Variants in LRIG1 observed in about 807,000 individuals in gnomAD.
The protein encoded by LRIG1 is leucine-rich repeats and immunoglobulin-like domains protein 1.
A neutral mutation model predicts 99.2 loss-of-function variants in LRIG1; 48 were observed. The ratio of observed to expected loss-of-function variants is 0.48; its 90% CI spans 0.38 to 0.62. The LOEUF (loss-of-function observed/expected upper bound fraction) is 0.62, where lower values mean the gene tolerates loss of function less well. LRIG1 is among the 20% of genes least tolerant of loss of function. The pLI is 0.00. For missense variants in LRIG1, 1,646 were observed against 1,434.4 expected, an observed-to-expected ratio of 1.15 and a Z score of -2.38; for synonymous variants, 772 against 596.1, an observed-to-expected ratio of 1.29 and a Z score of -4.30.
chr3:66,416,750 C>T (rs1019454893), intron 4 of LRIG1, among the ~76,000 whole-genome samples: 6 of 152,230 alleles, frequency 3.9e-5, no homozygotes, highest in African/African-American at 1.4e-4. Flanking sequence ...TGTGAATCCT[C>T]TAACCATCCT....
intron 1 of LRIG1, among the ~76,000 whole-genome samples, chr3:66,495,847 C>A (rs2106937103): frequency 2.0e-5 from 3 of 152,288 alleles, no homozygotes; most frequent in Middle Eastern, 6.8e-3. Flanking sequence ...AGACTTTGCA[C>A]CAAGGAGACA....
At chr3:66,381,198 G>A (rs541511379) in intron 17 of LRIG1, among the ~76,000 whole-genome samples, 2 of 152,206 alleles carry the variant, frequency 1.3e-5, no homozygotes, top group African/African-American at 2.4e-5. Flanking sequence ...TGGTGAAAAA[G>A]TGCTGACTGA....
chr3:66,396,503 A>C (rs1701855667), intron 11 of LRIG1, among the ~76,000 whole-genome samples: 1 of 152,196 alleles, frequency 6.6e-6, no homozygotes, highest in African/African-American at 2.4e-5. Flanking sequence ...AAAGACGACC[A>C]AGTGGAATTA....
At chr3:66,394,010 G>A (rs1296066700) in intron 12 of LRIG1, 30 bp downstream of exon 12, 1 of 1,612,064 alleles carries the variant, frequency 6.2e-7, no homozygotes, top group Non-Finnish European at 8.5e-7. Flanking sequence ...CCTTCATGAA[G>A]GAGAGAAAAA....
At chr3:66,481,431 T>C (rs1010406391) in intron 1 of LRIG1, among the ~76,000 whole-genome samples, 1 of 152,110 alleles carries the variant, frequency 6.6e-6, no homozygotes, top group African/African-American at 2.4e-5. Context: ...CTGTGCCCAA[T>C]TTAATAAAGC....
intron 1 of LRIG1, among the ~76,000 whole-genome samples, chr3:66,492,340 T>G (rs1480725698): frequency 6.6e-6 from 1 of 152,114 alleles, no homozygotes; most frequent in Admixed American, 6.5e-5. Flanking sequence ...TATAAATTGG[T>G]GGAAGGAGCA....
chr3:66,405,449 C>T (rs1702231884), intron 8 of LRIG1, among the ~76,000 whole-genome samples, 171 bp from the exon 9 acceptor site: 1 of 152,186 alleles, frequency 6.6e-6, no homozygotes, highest in Admixed American at 6.5e-5. Context: ...AGCCCTGTTT[C>T]TCAGCCTTCC....
chr3:66,432,602 C>T (rs907449953), intron 3 of LRIG1, among the ~76,000 whole-genome samples: 2 of 152,054 alleles, frequency 1.3e-5, no homozygotes, highest in African/African-American at 4.8e-5. Context: ...TGCTAAGGCA[C>T]GGAAAGGTCA....
chr3:66,404,622 C>A (rs1164077511), intron 9 of LRIG1, among the ~76,000 whole-genome samples: 1 of 152,150 alleles, frequency 6.6e-6, no homozygotes. Context: ...CCTAACAGAG[C>A]CTGCCCTCAT....
intron 1 of LRIG1, among the ~76,000 whole-genome samples, chr3:66,468,352 C>G (rs1266242502): frequency 6.6e-6 from 1 of 152,166 alleles, no homozygotes; most frequent in African/African-American, 2.4e-5. Flanking sequence ...AGGAGCGCAA[C>G]CCATGGCTCC....
Position 66,384,249 on chromosome 3 carries a change from G to C in LRIG1, c.1813C>G (p.Pro605Ala). The C allele has an allele frequency of 6.2e-7, 1 of 1,611,964 alleles. No homozygotes were observed. Among genetic ancestry groups the C allele is most frequent in the Non-Finnish European group, 8.5e-7 (1 of 1,178,126 alleles). ...GTGGTCCGGATGGTTATGTCGTGGG[G>C]CGTTTTGGTGAATGATGGCAACACT... ...VNVLPSFTKTPHDITIRTTTM... is the reference protein window; with the variant it reads ...VNVLPSFTKTAHDITIRTTTM... The change falls in exon 14 of 19, where the codon CCC (proline) becomes GCC (alanine). Residue 605 changes from proline (P) to alanine (A), a missense_variant. By Grantham distance (27) the Pro-to-Ala change is conservative. Transcript: ENST00000273261.
At chr3:66,498,107 T>C (rs936492299) in intron 1 of LRIG1, 1 of 152,212 alleles carries the variant, frequency 6.6e-6, no homozygotes. Flanking sequence ...TTTCAAAGGA[T>C]AGCCATTTTG....
At chr3:66,480,917 C>A (rs763689676) in intron 1 of LRIG1, among the ~76,000 whole-genome samples, 24 of 152,186 alleles carry the variant, frequency 1.6e-4, no homozygotes, top group Non-Finnish European at 2.8e-4. Flanking sequence ...AAGATCTAAC[C>A]CTTTTCTGTG....
At chr3:66,390,712 T>C (rs892064213) in intron 12 of LRIG1, among the ~76,000 whole-genome samples, 11 of 152,200 alleles carry the variant, frequency 7.2e-5, no homozygotes, top group African/African-American at 2.7e-4. Flanking sequence ...TATAAAACTC[T>C]TAGAAGAAAA....
intron 3 of LRIG1, among the ~76,000 whole-genome samples, chr3:66,426,390 C>T (rs988045982): frequency 6.6e-6 from 1 of 152,198 alleles, no homozygotes; most frequent in Admixed American, 6.5e-5. Flanking sequence ...ACCCTGTCAA[C>T]CCTATGGCAA....
At position 66,386,030 on chromosome 3, in the gene LRIG1, G is replaced by C; in HGVS notation, c.1740C>G (p.Thr580=). Residue 580 remains threonine, a synonymous_variant, in exon 13 of 19, where the codon ACC becomes ACG. Coordinates refer to ENST00000273261, the MANE Select transcript of LRIG1 (RefSeq NM_015541.3). ...GTGAATAGGTGGAGCCAAAGTGGTT[G>C]GTGATGACACATTGGTAGCGGCCCT... ...GHEGRYQCVI[T]NHFGSTYSHK... The C allele has an allele frequency of 1.2e-6, 2 of 1,614,184 alleles. No individual in the cohort carries two copies. Among genetic ancestry groups the C allele is most frequent in the Non-Finnish European group, 1.7e-6 (2 of 1,180,028 alleles).
At chr3:66,399,787 A>AC (rs1701990867) in intron 9 of LRIG1, among the ~76,000 whole-genome samples, 1 of 151,786 alleles carries the variant, frequency 6.6e-6, no homozygotes, top group African/African-American at 2.4e-5. Flanking sequence ...ACAAACAAAA[A>AC]CCCCCAAACT....
intron 1 of LRIG1, among the ~76,000 whole-genome samples, chr3:66,494,180 A>T (rs933236090): frequency 2.0e-5 from 3 of 152,200 alleles, no homozygotes; most frequent in African/African-American, 7.2e-5. Flanking sequence ...GGCATCATCT[A>T]ACTTTGTCCT....
chr3:66,489,534 T>C (rs1485597967), intron 1 of LRIG1, among the ~76,000 whole-genome samples: 2 of 136,970 alleles, frequency 1.5e-5, no homozygotes, highest in South Asian at 2.1e-4. Context: ...TATGTGTGTG[T>C]GTGTGTGTGT....
Sources: gnomAD v4.1 joint callset for allele counts (sites outside exome capture counted in the v4.1 genomes callset) on GRCh38, gnomAD v4.1.1 for gene constraint, MANE v1.5 for transcripts, NCBI Gene and HGNC (gene_info 2026-07-23, HGNC 2026-07-21) for gene names.